The following ATP13A4 variants were observed in gnomAD, a reference collection of about 807,000 sequenced individuals.
The protein encoded by ATP13A4 is ATPase 13A4.
In ATP13A4, 114 loss-of-function variants were observed where a neutral mutation model predicts 142.5. The observed-to-expected ratio is 0.80, with a 90% CI of 0.69 to 0.93. The LOEUF (loss-of-function observed/expected upper bound fraction) is 0.93. Among genes scored for constraint, ATP13A4 ranks in the 40% least tolerant of loss-of-function variants. The pLI, the probability that ATP13A4 is intolerant of heterozygous loss-of-function variation, is 0.00. For synonymous variants in ATP13A4, 488 were observed against 514.8 expected (o/e 0.95, Z 0.70); for missense variants, 1,392 against 1,454.0 (o/e 0.96, Z 0.69).
At chr3:193,551,670 C>T (rs186956456) in intron 1 of ATP13A4, among the ~76,000 whole-genome samples, 16 of 152,336 alleles carry the variant, frequency 1.1e-4, no homozygotes, top group Non-Finnish European at 2.1e-4. Context: ...TCCTATTTTA[C>T]AGGTATAAAA....
chr3:193,519,527 T>C (rs371348113), intron 1 of ATP13A4, among the ~76,000 whole-genome samples: 1 of 152,074 alleles, frequency 6.6e-6, no homozygotes, highest in Non-Finnish European at 1.5e-5. Flanking sequence ...ATATTTGCTT[T>C]TCAGAGAGGT....
In ATP13A4 at chr3:193,428,242, T is replaced by C. The variant is rs890342945; in HGVS notation, c.2842+5603A>G. On this transcript the variant is annotated intron_variant, in intron 25 of 29. Coordinates refer to ENST00000342695, the MANE Select transcript of ATP13A4 (RefSeq NM_032279.4). The stretch of plus-strand genomic sequence containing the variant: ...AATGCAAATCAAAACCACAGTGAGA[T>C]ACCATCTCACACCAGTTACAATGGT... Among the ~76,000 whole-genome samples the C allele has an allele frequency of 9.9e-5, 15 of 151,356 alleles. 1 individual carries two copies. Among genetic ancestry groups the C allele is most frequent in the African/African-American group, 3.7e-4 (15 of 40,660 alleles).
intron 26 of ATP13A4, among the ~76,000 whole-genome samples, chr3:193,413,741 G>A (rs1229873894): frequency 1.3e-5 from 2 of 152,156 alleles, no homozygotes; most frequent in Non-Finnish European, 2.9e-5. Context: ...TGAATTTGAG[G>A]TCAGACTGGT....
chr3:193,541,030 G>A (rs866722571), intron 1 of ATP13A4, among the ~76,000 whole-genome samples: 37 of 152,052 alleles, frequency 2.4e-4, no homozygotes, highest in Admixed American at 3.9e-4. Context: ...CGGGCAAATC[G>A]CGAGGTCAGG....
At chr3:193,426,209 T>C (rs747317769) in intron 25 of ATP13A4, among the ~76,000 whole-genome samples, 93 of 151,814 alleles carry the variant, frequency 6.1e-4, no homozygotes, top group Non-Finnish European at 2.7e-4. Flanking sequence ...AATCATCGTG[T>C]TTCTGTACAC....
intron 2 of ATP13A4, among the ~76,000 whole-genome samples, chr3:193,577,360 C>A (rs1179588017): frequency 2.0e-5 from 3 of 152,214 alleles, no homozygotes; most frequent in Non-Finnish European, 2.9e-5. Context: ...GGTTTTCTTT[C>A]TTCTGCACCT....
At chr3:193,442,748 G>C (rs1400837783) in intron 18 of ATP13A4, among the ~76,000 whole-genome samples, 192 bp from the exon 19 acceptor site, 3 of 152,118 alleles carry the variant, frequency 2.0e-5, no homozygotes, top group African/African-American at 7.2e-5. Flanking sequence ...TTTTCGTCAG[G>C]TTGCTTCATG....
chr3:193,582,268 C>T (rs1724564508), intron 1 of ATP13A4, among the ~76,000 whole-genome samples: 1 of 149,338 alleles, frequency 6.7e-6, no homozygotes, highest in Admixed American at 6.7e-5. Flanking sequence ...CCTGCCTCAG[C>T]CTCCAGAGTA....
At chr3:193,585,528 T>C (rs2108748817) in intron 1 of ATP13A4, among the ~76,000 whole-genome samples, 1 of 152,228 alleles carries the variant, frequency 6.6e-6, no homozygotes, top group East Asian at 1.9e-4. Flanking sequence ...TGTTAGTTTA[T>C]TTTATGTGTG....
At chr3:193,414,787 A>G in intron 25 of ATP13A4, 37 bp from the exon 26 acceptor site, 1 of 1,595,866 alleles carries the variant, frequency 6.3e-7, no homozygotes, top group Non-Finnish European at 8.6e-7. Context: ...TTATGAGAGC[A>G]GGAAAATGTA....
intron 1 of ATP13A4, 40 bp downstream of exon 1, chr3:193,554,697 TGAG>T (rs199558140): frequency 0.02 from 30,894 of 1,581,170 alleles, 487 homozygotes; most frequent in Middle Eastern, 0.065. Flanking sequence ...TCTCGCAGGC[TGAG>T]AAGTGGGATG....
At position 193,422,217 on chromosome 3, in the gene ATP13A4, A is replaced by C. The variant is rs911442100; in HGVS notation, c.2843-7467T>G. On this transcript the variant is annotated intron_variant, in intron 25 of 29. Transcript: ENST00000342695. Reference sequence around the variant, plus strand: ...GAGACAATGCATCCAACATTGAAGCACGTAAATATATAAAGCAAATGTTAA... The same window carrying C: ...GAGACAATGCATCCAACATTGAAGCCCGTAAATATATAAAGCAAATGTTAA... 8.7e-5 allele frequency among the ~76,000 whole-genome samples: 13 copies of C among 149,966 alleles called. 1 individual carries two copies. Among genetic ancestry groups the C allele is most frequent in the African/African-American group, 2.9e-4 (12 of 40,918 alleles).
chr3:193,592,838 T>A (rs1724872694), intron 1 of ATP13A4, among the ~76,000 whole-genome samples: 2 of 152,202 alleles, frequency 1.3e-5, no homozygotes, highest in African/African-American at 4.8e-5. Context: ...GTGCAAGCAT[T>A]AGTTTGTAGT....
Position 193,488,770 on chromosome 3 carries a change from G to T in ATP13A4, c.738+960C>A, listed in dbSNP as rs1719779520. 2.6e-5 allele frequency among the ~76,000 whole-genome samples: 4 copies of T among 152,334 alleles called. No individual in the cohort carries two copies. In the South Asian group the frequency reaches 8.3e-4, roughly 32 times the overall value. ...GCTGAAGGCAGAAGCACGGTCAAGA[G>T]AAGAAATTGTTTTGTTTGTTTGAGT... On this transcript the variant is annotated intron_variant, in intron 7 of 29. Transcript: ENST00000342695.
intron 1 of ATP13A4, among the ~76,000 whole-genome samples, chr3:193,544,518 T>C (rs181185194): frequency 6.6e-6 from 1 of 152,256 alleles, no homozygotes; most frequent in Admixed American, 6.5e-5. Context: ...CACTGAGTCA[T>C]AAGCCCAGGA....
Position 193,554,832 on chromosome 3 carries a change from T to C in ATP13A4, c.-33A>G. On this transcript the variant is annotated 5_prime_UTR_variant, in exon 1 of 30. Transcript: ENST00000342695. ...TTATTCCACACCTCCTCCCTGACCT[T>C]GTCGTGCAGACGCTTCCAGGATGAA... The C allele has an allele frequency of 6.2e-7, 1 of 1,613,906 alleles. No individual in the cohort carries two copies. Among genetic ancestry groups the C allele is most frequent in the Middle Eastern group, 1.7e-4 (1 of 5,884 alleles).
chr3:193,425,962 G>T (rs1444407733), intron 25 of ATP13A4, among the ~76,000 whole-genome samples: 1 of 151,716 alleles, frequency 6.6e-6, no homozygotes, highest in East Asian at 1.9e-4. Context: ...TACATGTATT[G>T]AAACATCACA....
rs770535222 is a variant in ATP13A4 at position 193,491,378 on chromosome 3, T to C, written c.554A>G (p.Asn185Ser). The C allele has an allele frequency of 2.5e-6, 4 of 1,598,902 alleles. No homozygotes were observed. The African/African-American group carries it at 5.4e-5, about 21-fold the overall frequency. ...QEIRRLICGPNTIDVEVTPIW... is the reference protein window; with the variant it reads ...QEIRRLICGPSTIDVEVTPIW... ...TGGTGTAACTTCAACATCGATAGTA[T>C]TAGGCCCACATATTAACCTCCTATA... Residue 185 changes from asparagine to serine, a missense_variant, in exon 6 of 30, where the codon AAT becomes AGT. Coordinates refer to ENST00000342695, the MANE Select transcript of ATP13A4 (RefSeq NM_032279.4).
chr3:193,568,249 C>T (rs182613023), intron 2 of ATP13A4, among the ~76,000 whole-genome samples: 9 of 152,304 alleles, frequency 5.9e-5, no homozygotes, highest in Non-Finnish European at 1.2e-4. Context: ...GCATGAGCCA[C>T]CGTGCCCAGC....
Sources: gnomAD v4.1 joint callset for allele counts (sites outside exome capture counted in the v4.1 genomes callset) on GRCh38, gnomAD v4.1.1 for gene constraint, MANE v1.5 for transcripts, NCBI Gene and HGNC (gene_info 2026-07-23, HGNC 2026-07-21) for gene names.